ELMO1: variants seen among roughly 807,000 people sequenced by gnomAD.
ELMO1 encodes the protein engulfment and cell motility 1.
ELMO1 carries 26 observed loss-of-function variants against 98.9 expected under a neutral mutation model. That is an observed-to-expected ratio of 0.26 (90% CI 0.19 to 0.36). The LOEUF (loss-of-function observed/expected upper bound fraction) is 0.36. Among genes scored for constraint, ELMO1 ranks in the 10% least tolerant of loss-of-function variants. The pLI, the probability that ELMO1 is intolerant of heterozygous loss-of-function variation, is 1.00. For missense variants in ELMO1, 627 were observed against 935.2 expected, an observed-to-expected ratio of 0.67 and a Z score of 4.30; for synonymous variants, 346 against 346.0, an observed-to-expected ratio of 1.00 and a Z score of 0.00.
At chr7:36,939,170 G>GTT (rs796159852) in intron 16 of ELMO1, among the ~76,000 whole-genome samples, 13 of 146,190 alleles carry the variant, frequency 8.9e-5, no homozygotes, top group African/African-American at 2.5e-4. Flanking sequence ...TAAGAAATGA[G>GTT]TTTTTTTTTT....
intron 1 of ELMO1, among the ~76,000 whole-genome samples, chr7:37,414,795 C>T (rs1310580458): frequency 2.0e-5 from 3 of 151,932 alleles, no homozygotes; most frequent in Non-Finnish European, 2.9e-5. Flanking sequence ...AAATCTACCA[C>T]ACATCCCTGG....
intron 16 of ELMO1, among the ~76,000 whole-genome samples, chr7:36,953,893 G>A (rs1024598751): frequency 4.0e-5 from 5 of 123,706 alleles, no homozygotes; most frequent in African/African-American, 1.6e-4. Flanking sequence ...GTGTGTGTGT[G>A]TGTATTAGTC....
chr7:37,225,113 G>A, intron 8 of ELMO1, 83 bp from the exon 9 acceptor site: 1 of 1,542,790 alleles, frequency 6.5e-7, no homozygotes, highest in Non-Finnish European at 8.9e-7. Context: ...AATCAAATCG[G>A]GAACTCATTT....
At chr7:37,197,616 C>T (rs1010973027) in intron 13 of ELMO1, among the ~76,000 whole-genome samples, 8 of 152,156 alleles carry the variant, frequency 5.3e-5, no homozygotes, top group African/African-American at 1.9e-4. Context: ...GCTAGCTTTG[C>T]GTGGAGCTGA....
chr7:37,330,757 T>A (rs1214788360), intron 2 of ELMO1, among the ~76,000 whole-genome samples: 2 of 152,186 alleles, frequency 1.3e-5, no homozygotes, highest in Non-Finnish European at 2.9e-5. Flanking sequence ...TAGCAACTAT[T>A]TTTTTTCCTT....
chr7:37,199,720 A>C (rs1354301812), intron 13 of ELMO1, among the ~76,000 whole-genome samples: 1 of 152,184 alleles, frequency 6.6e-6, no homozygotes, highest in Non-Finnish European at 1.5e-5. Flanking sequence ...AGTGACAGAG[A>C]GCTTGTGTTA....
Position 36,855,422 on chromosome 7 carries a change from T to C in ELMO1, c.*129A>G. The C allele has an allele frequency of 8.3e-7, 1 of 1,207,680 alleles. No homozygotes were observed. The highest frequency in any genetic ancestry group is 1.2e-6 in the Non-Finnish European group (1 of 837,590). 74.8% of individuals were successfully genotyped at this position (1,207,680 alleles called of 1,614,324 possible). A position where few individuals can be genotyped will look rare whatever the true frequency, so the allele number is the denominator to read the frequency against. ...AAGTTGCCAGGGCTAGAGGTGATGCTGAAGGGAATGTGGACCCACAGCTTC... is the reference window on the plus strand; with the variant it reads ...AAGTTGCCAGGGCTAGAGGTGATGCCGAAGGGAATGTGGACCCACAGCTTC... On this transcript the variant is annotated 3_prime_UTR_variant, in exon 22 of 22. Coordinates refer to ENST00000310758, the MANE Select transcript of ELMO1 (RefSeq NM_014800.11). This position sits in a 1 kb window ranked among gnomAD's most constrained non-coding sequence, Gnocchi z 4.2.
chr7:37,416,032 A>T (rs1648001619), intron 1 of ELMO1, among the ~76,000 whole-genome samples: 1 of 152,248 alleles, frequency 6.6e-6, no homozygotes, highest in Non-Finnish European at 1.5e-5. Context: ...TATCAGTAAC[A>T]TTAAATGAGC....
At chr7:37,137,892 C>T (rs1787370991) in intron 13 of ELMO1, among the ~76,000 whole-genome samples, 1 of 152,064 alleles carries the variant, frequency 6.6e-6, no homozygotes, top group Non-Finnish European at 1.5e-5. Flanking sequence ...TCTCAGACCA[C>T]AGTGGAATAA....
chr7:37,034,130 T>C (rs1188659020), intron 15 of ELMO1, among the ~76,000 whole-genome samples: 1 of 152,196 alleles, frequency 6.6e-6, no homozygotes, highest in African/African-American at 2.4e-5. Context: ...CACCCTCAAA[T>C]TCCTATGTTG....
chr7:37,172,048 T>C (rs1790201970), intron 13 of ELMO1, among the ~76,000 whole-genome samples: 1 of 152,288 alleles, frequency 6.6e-6, no homozygotes, highest in South Asian at 2.1e-4. Context: ...ATTTAAAAGA[T>C]ACAAGCTGGA....
intron 17 of ELMO1, 114 bp from the exon 18 acceptor site, chr7:36,887,786 T>A: frequency 1.2e-6 from 1 of 839,748 alleles, no homozygotes; most frequent in Non-Finnish European, 1.9e-6. Context: ...CATGAGCATC[T>A]AATACCTCCA....
intron 12 of ELMO1, 123 bp downstream of exon 12, chr7:37,213,212 T>A (rs545874908): frequency 7.7e-7 from 1 of 1,302,714 alleles, no homozygotes; most frequent in Non-Finnish European, 1.0e-6. Flanking sequence ...AGTTCTGAGA[T>A]GATAATAAAA....
At chr7:37,300,790 G>A (rs1472752374) in intron 4 of ELMO1, among the ~76,000 whole-genome samples, 1 of 150,674 alleles carries the variant, frequency 6.6e-6, no homozygotes, top group Non-Finnish European at 1.5e-5. Context: ...TCATAAATGA[G>A]TTAGGGAGGA....
At chr7:37,085,468 G>A (rs1783713652) in intron 15 of ELMO1, among the ~76,000 whole-genome samples, 1 of 152,084 alleles carries the variant, frequency 6.6e-6, no homozygotes, top group Non-Finnish European at 1.5e-5. Context: ...TTTTAGTGAG[G>A]TTAGTTTATT....
intron 4 of ELMO1, among the ~76,000 whole-genome samples, chr7:37,281,020 T>C (rs1797109017): frequency 7.8e-6 from 1 of 127,402 alleles, no homozygotes; most frequent in Non-Finnish European, 1.7e-5. Context: ...TAAATATATA[T>C]ATATACACAC....
At chr7:37,132,698 T>C (rs148811653) in intron 14 of ELMO1, among the ~76,000 whole-genome samples, 144 of 152,346 alleles carry the variant, frequency 9.5e-4, no homozygotes, top group African/African-American at 3.3e-3. Flanking sequence ...ACGTGAAATG[T>C]AAGAAGGCAT....
chr7:37,154,205 G>A (rs1344823783), intron 13 of ELMO1, among the ~76,000 whole-genome samples: 1 of 152,194 alleles, frequency 6.6e-6, no homozygotes, highest in African/African-American at 2.4e-5. Context: ...CAAAGATGGG[G>A]AGAAACCAGA....
chr7:37,339,767 T>C (rs1403791371), intron 2 of ELMO1, among the ~76,000 whole-genome samples: 2 of 152,110 alleles, frequency 1.3e-5, no homozygotes, highest in East Asian at 3.9e-4. Context: ...ATGTGATTAA[T>C]AGGAGGCCTA....
Sources: gnomAD v4.1 joint callset for allele counts (sites outside exome capture counted in the v4.1 genomes callset) on GRCh38, gnomAD v4.1.1 for gene constraint, Gnocchi (gnomAD v3.1) non-coding constraint, MANE v1.5 for transcripts, NCBI Gene and HGNC (gene_info 2026-07-23, HGNC 2026-07-21) for gene names.